The following ABTB2 variants were observed in gnomAD, a reference collection of about 807,000 sequenced individuals.
ABTB2 encodes the protein ankyrin repeat and BTB/POZ domain-containing protein 2.
Under a neutral mutation model 104.1 loss-of-function variants are expected in ABTB2, and 56 were observed. The ratio of observed to expected loss-of-function variants is 0.54; its 90% CI spans 0.43 to 0.67. The LOEUF is 0.67. Ranked by LOEUF, ABTB2 falls within the 30% of genes least tolerant of loss-of-function variation. The probability of loss-of-function intolerance (pLI) is 0.00; values close to 1 mark genes in which losing one functional copy is unlikely to be tolerated. For synonymous variants in ABTB2, 606 were observed against 608.2 expected (o/e 1.00, Z 0.05); for missense variants, 1,279 against 1,407.7 (o/e 0.91, Z 1.46).
At chr11:34,346,150 C>T (rs753295110) in intron 1 of ABTB2, among the ~76,000 whole-genome samples, 4 of 152,244 alleles carry the variant, frequency 2.6e-5, no homozygotes, top group South Asian at 2.1e-4. Context: ...GAAACACCGG[C>T]CCTGCCAATG....
intron 1 of ABTB2, among the ~76,000 whole-genome samples, chr11:34,240,619 G>A (rs1387973726): frequency 6.6e-6 from 1 of 152,182 alleles, no homozygotes; most frequent in African/African-American, 2.4e-5. Flanking sequence ...TTGAGATGGG[G>A]TCTCACTCTG....
chr11:34,293,212 T>G (rs920483313), intron 1 of ABTB2, among the ~76,000 whole-genome samples: 2 of 152,182 alleles, frequency 1.3e-5, no homozygotes, highest in African/African-American at 4.8e-5. Context: ...TCATGCCATT[T>G]ACTGATGTCG....
chr11:34,194,919 C>A (rs991836334), intron 3 of ABTB2, among the ~76,000 whole-genome samples: 1 of 152,046 alleles, frequency 6.6e-6, no homozygotes, highest in Non-Finnish European at 1.5e-5. Flanking sequence ...TACGTAAACA[C>A]ATGCACGTGT....
Position 34,246,133 on chromosome 11 carries a change from T to G in ABTB2, c.884-41443A>C, listed in dbSNP as rs114597129. On this transcript the variant is annotated intron_variant, in intron 1 of 16. Transcript: ENST00000435224. The stretch of plus-strand genomic sequence containing the variant: ...ACCTCTCATTCCTTTTCTCTCTTCC[T>G]AAAAGACAATTCTATTCAAAGGGAG... 3.3e-3 allele frequency among the ~76,000 whole-genome samples: 505 copies of G among 152,292 alleles called. 1 individual carries two copies. The highest frequency in any genetic ancestry group is 0.011 in the African/African-American group (453 of 41,556).
chr11:34,313,050 C>A (rs968958454), intron 1 of ABTB2, among the ~76,000 whole-genome samples: 1 of 152,158 alleles, frequency 6.6e-6, no homozygotes, highest in Non-Finnish European at 1.5e-5. Context: ...AGTGAAACTA[C>A]CTGCACTAAA....
chr11:34,265,595 T>G (rs1281603459), intron 1 of ABTB2, among the ~76,000 whole-genome samples: 3 of 133,280 alleles, frequency 2.3e-5, no homozygotes, highest in South Asian at 2.4e-4. Context: ...GAGGTGGAGG[T>G]TGCGGTGAGC....
chr11:34,162,861 C>T, intron 9 of ABTB2, 56 bp from the exon 10 acceptor site: 1 of 1,496,044 alleles, frequency 6.7e-7, no homozygotes, highest in South Asian at 1.2e-5. Flanking sequence ...GCAGTGCCCA[C>T]CTGAGCTGTC....
intron 2 of ABTB2, among the ~76,000 whole-genome samples, chr11:34,202,903 A>G (rs1326338706): frequency 6.6e-6 from 1 of 152,194 alleles, no homozygotes; most frequent in African/African-American, 2.4e-5. Flanking sequence ...GAGTTGGTGA[A>G]AGGGGCAGAC....
At chr11:34,335,878 T>G (rs1233230671) in intron 1 of ABTB2, 2 of 918,320 alleles carry the variant, frequency 2.2e-6, no homozygotes, top group Non-Finnish European at 3.5e-6. Context: ...AGCGGCCACA[T>G]GAGACACCTA....
intron 1 of ABTB2, among the ~76,000 whole-genome samples, chr11:34,284,656 G>T (rs1854484101): frequency 6.6e-6 from 1 of 152,188 alleles, no homozygotes; most frequent in Admixed American, 6.5e-5. Flanking sequence ...GCAGGGGATG[G>T]GTAACTGTAA....
At chr11:34,220,748 CCT>C (rs1853610935) in intron 1 of ABTB2, among the ~76,000 whole-genome samples, 2 of 152,252 alleles carry the variant, frequency 1.3e-5, no homozygotes, top group South Asian at 2.1e-4. Flanking sequence ...TAAATAACCC[CCT>C]GTTGGTCTAT....
At chr11:34,208,542 A>C (rs1174666201) in intron 1 of ABTB2, among the ~76,000 whole-genome samples, 1 of 152,118 alleles carries the variant, frequency 6.6e-6, no homozygotes, top group Non-Finnish European at 1.5e-5. Context: ...TCAGTGTTGT[A>C]CTCGAATGTG....
At chr11:34,245,700 G>A (rs1444133220) in intron 1 of ABTB2, among the ~76,000 whole-genome samples, 1 of 152,144 alleles carries the variant, frequency 6.6e-6, no homozygotes, top group Non-Finnish European at 1.5e-5. Context: ...TGCTTCTGGG[G>A]CTCATACACT....
chr11:34,316,701 C>T (rs1215319010), intron 1 of ABTB2, among the ~76,000 whole-genome samples: 1 of 152,186 alleles, frequency 6.6e-6, no homozygotes, highest in Non-Finnish European at 1.5e-5. Context: ...AAAAAAAATA[C>T]AGTGTGTACT....
At chr11:34,180,915 G>A (rs1219508895) in intron 3 of ABTB2, among the ~76,000 whole-genome samples, 1 of 152,068 alleles carries the variant, frequency 6.6e-6, no homozygotes, top group Admixed American at 6.6e-5. Context: ...GGTTTGTTTT[G>A]TTTTGTTTTG....
intron 1 of ABTB2, among the ~76,000 whole-genome samples, chr11:34,351,959 C>A (rs1395900401): frequency 6.6e-6 from 1 of 152,108 alleles, no homozygotes; most frequent in Non-Finnish European, 1.5e-5. Flanking sequence ...ATTTCCAAAG[C>A]TTGCTCTGTT....
intron 2 of ABTB2, among the ~76,000 whole-genome samples, chr11:34,202,518 G>A (rs1208553851): frequency 6.6e-6 from 1 of 152,204 alleles, no homozygotes; most frequent in Non-Finnish European, 1.5e-5. Context: ...TCGAGCAGAT[G>A]AGTGACACAA....
chr11:34,167,222 A>G (rs746836655), intron 7 of ABTB2, 37 bp downstream of exon 7: 69 of 1,560,116 alleles, frequency 4.4e-5, no homozygotes, highest in Non-Finnish European at 5.2e-5. Context: ...TCACCTGGTA[A>G]GCTGGGGGGC....
intron 1 of ABTB2, chr11:34,242,529 T>C (rs1853932395): frequency 1.3e-5 from 2 of 152,360 alleles, no homozygotes; most frequent in Non-Finnish European, 2.9e-5. Flanking sequence ...GAGTGGCTGC[T>C]GGACCATGGC....
Sources: allele counts gnomAD v4.1 joint callset (sites outside exome capture counted in the v4.1 genomes callset), GRCh38; gene constraint gnomAD v4.1.1; transcripts MANE v1.5; gene names NCBI Gene and HGNC (gene_info 2026-07-23, HGNC 2026-07-21).